Variants in CCDC28A observed in about 807,000 individuals in gnomAD.
CCDC28A encodes the protein coiled-coil domain containing 28A.
Under a neutral mutation model 22.1 loss-of-function variants are expected in CCDC28A, and 24 were observed. The observed-to-expected ratio is 1.09, with a 90% CI of 0.79 to 1.53. CCDC28A has a LOEUF of 1.53. CCDC28A is among the 40% of genes most tolerant of loss of function. The probability of loss-of-function intolerance (pLI) is 0.00; values close to 1 mark genes in which losing one functional copy is unlikely to be tolerated. For synonymous variants in CCDC28A, 83 were observed against 74.7 expected (o/e 1.11, Z -0.57); for missense variants, 170 against 210.7 (o/e 0.81, Z 1.20).
At chr6:138,777,160 C>T (rs189474753) in intron 2 of CCDC28A, among the ~76,000 whole-genome samples, 242 of 152,314 alleles carry the variant, frequency 1.6e-3, no homozygotes, top group African/African-American at 5.4e-3. Context: ...ACTCTCACAT[C>T]CAATCTCACC....
chr6:138,779,256 G>T (rs1008656237), intron 2 of CCDC28A, among the ~76,000 whole-genome samples: 1 of 152,166 alleles, frequency 6.6e-6, no homozygotes, highest in African/African-American at 2.4e-5. Flanking sequence ...TAGATATTTT[G>T]TGGGTATAAT....
At position 138,775,954 on chromosome 6, in the gene CCDC28A, TCTAA is replaced by T. The variant is rs924856958; in HGVS notation, c.-42-122_-42-119del. 5.5e-5 allele frequency: 41 copies of T among 745,652 alleles called. No homozygotes were observed. In the Admixed American group the frequency reaches 1.1e-3, roughly 19 times the overall value. The allele number at this position is 745,652 out of a possible 1,614,324, so 46.2% of individuals were successfully genotyped here. A position where few individuals can be genotyped will look rare whatever the true frequency, so the allele number is the denominator to read the frequency against. On this transcript the variant is annotated intron_variant, in intron 1 of 5. Transcript: ENST00000617445. ...TACATTAAACTTAAGAGACCCATTT[TCTAA>T]CTTTCTCTTATGCCCTCTGGAATTC...
intron 2 of CCDC28A, among the ~76,000 whole-genome samples, chr6:138,776,791 CTG>C (rs1293156588): frequency 6.6e-6 from 1 of 152,030 alleles, no homozygotes; most frequent in Non-Finnish European, 1.5e-5. Flanking sequence ...GGGGCTGTGA[CTG>C]TGTGGTGTGA....
intron 4 of CCDC28A, among the ~76,000 whole-genome samples, chr6:138,787,703 A>AT (rs759643745): frequency 1.3e-5 from 2 of 151,488 alleles, no homozygotes; most frequent in Non-Finnish European, 2.9e-5. Context: ...TATTCTTTTG[A>AT]TTTTTTTGTA....
intron 3 of CCDC28A, among the ~76,000 whole-genome samples, chr6:138,781,016 T>G (rs1447009929): frequency 6.6e-6 from 1 of 152,224 alleles, no homozygotes; most frequent in Admixed American, 6.5e-5. Context: ...AAGTATTCTT[T>G]CCCTCCCCAA....
chr6:138,773,887 T>A lies in CCDC28A; in HGVS notation c.-58T>A, dbSNP rs771802887. The A allele has an allele frequency of 1.9e-5, 30 of 1,613,484 alleles. No individual in the cohort carries two copies. The highest frequency in any genetic ancestry group is 2.5e-5 in the Non-Finnish European group (29 of 1,180,000). On this transcript the variant is annotated 5_prime_UTR_variant, in exon 1 of 6. Coordinates refer to ENST00000617445, the MANE Select transcript of CCDC28A (RefSeq NM_015439.3). ...TGCGGGTTGCGGAAGGGGGCCCCAA[T>A]ACCCTTCTTCTTCAGGTATGTAGTG...
intron 5 of CCDC28A, among the ~76,000 whole-genome samples, chr6:138,788,772 T>A (rs1562441321): frequency 6.6e-6 from 1 of 152,064 alleles, no homozygotes; most frequent in Non-Finnish European, 1.5e-5. Flanking sequence ...ATTTTCTTGT[T>A]GTTTTCTATG....
intron 2 of CCDC28A, among the ~76,000 whole-genome samples, chr6:138,779,062 C>A (rs914068818): frequency 6.6e-6 from 1 of 152,162 alleles, no homozygotes; most frequent in African/African-American, 2.4e-5. Flanking sequence ...GCCACTGTGC[C>A]CGGCCTACTG....
intron 3 of CCDC28A, among the ~76,000 whole-genome samples, chr6:138,780,214 G>T (rs1774995542): frequency 6.6e-6 from 1 of 152,144 alleles, no homozygotes; most frequent in South Asian, 2.1e-4. Flanking sequence ...TGTTGAAGTA[G>T]GATTGCCATT....
chr6:138,773,783 C>G lies in CCDC28A; in HGVS notation c.-162C>G, dbSNP rs759085050. ...ACGTCACTTCCGTAAACAAACGGAG[C>G]TGCGGAGGAGCGGGTCCCGGGATGT... is the stretch of plus-strand genomic sequence containing the variant. On this transcript the variant is annotated 5_prime_UTR_variant, in exon 1 of 6. Coordinates refer to ENST00000617445, the MANE Select transcript of CCDC28A (RefSeq NM_015439.3). 19 of 1,613,170 alleles carry G rather than the reference C, an allele frequency of 1.2e-5. No homozygotes were observed. Among genetic ancestry groups the G allele is most frequent in the Non-Finnish European group, 1.6e-5 (19 of 1,179,578 alleles).
chr6:138,788,592 C>G (rs2876394), intron 5 of CCDC28A, among the ~76,000 whole-genome samples: 1 of 82,050 alleles, frequency 1.2e-5, no homozygotes, highest in Non-Finnish European at 2.6e-5. Context: ...TTTTTTTTTT[C>G]AGAGACAGGG....
At chr6:138,777,960 G>T (rs1192513955) in intron 2 of CCDC28A, among the ~76,000 whole-genome samples, 1 of 152,120 alleles carries the variant, frequency 6.6e-6, no homozygotes, top group Non-Finnish European at 1.5e-5. Flanking sequence ...GGCTTCAGAT[G>T]AGCATTTCTA....
chr6:138,786,067 G>A (rs538308299), intron 4 of CCDC28A, among the ~76,000 whole-genome samples: 7 of 152,152 alleles, frequency 4.6e-5, no homozygotes, highest in South Asian at 2.1e-4. Flanking sequence ...CCACAATTCC[G>A]GAGGCTAAAG....
At chr6:138,785,691 G>GTTTTGA (rs1355638425) in intron 4 of CCDC28A, among the ~76,000 whole-genome samples, 1 of 152,004 alleles carries the variant, frequency 6.6e-6, no homozygotes, top group East Asian at 1.9e-4. Context: ...TAATGTTCAA[G>GTTTTGA]TTTCATCCAT....
chr6:138,788,457 A>G, intron 5 of CCDC28A, 69 bp downstream of exon 5: 2 of 730,542 alleles, frequency 2.7e-6, no homozygotes, highest in Non-Finnish European at 4.3e-6. Context: ...ATCTCGATCA[A>G]GTTTTAGAAA....
intron 4 of CCDC28A, among the ~76,000 whole-genome samples, chr6:138,785,931 T>G (rs1775088205): frequency 6.6e-6 from 1 of 152,214 alleles, no homozygotes; most frequent in African/African-American, 2.4e-5. Context: ...GGTTACTTGT[T>G]TTTAAAGGCA....
At chr6:138,787,566 G>A (rs924201289) in intron 4 of CCDC28A, among the ~76,000 whole-genome samples, 4 of 152,136 alleles carry the variant, frequency 2.6e-5, no homozygotes, top group African/African-American at 9.7e-5. Context: ...TGGTTTTAAA[G>A]ATTTTGATCA....
chr6:138,789,795 T>C (rs1306416759), intron 5 of CCDC28A, among the ~76,000 whole-genome samples: 1 of 152,152 alleles, frequency 6.6e-6, no homozygotes, highest in Non-Finnish European at 1.5e-5. Flanking sequence ...ATTTCCATCC[T>C]GGGCAAAAGA....
Position 138,779,974 on chromosome 6 carries a change from T to C in CCDC28A, c.311T>C (p.Leu104Pro). Residue 104 changes from leucine to proline, a missense_variant, in exon 3 of 6, where the codon CTT becomes CCT. Physicochemically the swap from Leu to Pro is moderately conservative, Grantham distance 98 (BLOSUM62 -3). Transcript: ENST00000617445. ...SLLNDFHSGK[L>P]QAFGNECSIE... ...TTGAATGATTTCCACTCTGGAAAACTTCAAGCATTTGGTAAGCAATAGATG... is the reference window on the plus strand; with the variant it reads ...TTGAATGATTTCCACTCTGGAAAACCTCAAGCATTTGGTAAGCAATAGATG... 1 of 1,608,782 alleles carries C rather than the reference T, an allele frequency of 6.2e-7. No individual in the cohort carries two copies. The highest frequency in any genetic ancestry group is 8.5e-7 in the Non-Finnish European group (1 of 1,178,058).
Sources: allele counts gnomAD v4.1 joint callset (sites outside exome capture counted in the v4.1 genomes callset), GRCh38; gene constraint gnomAD v4.1.1; transcripts MANE v1.5; gene names NCBI Gene and HGNC (gene_info 2026-07-23, HGNC 2026-07-21).